WDPCP: variants seen among roughly 807,000 people sequenced by gnomAD.
WDPCP encodes WD repeat-containing and planar cell polarity effector protein fritz homolog.
A neutral mutation model predicts 93.1 loss-of-function variants in WDPCP; 71 were observed. That is an observed-to-expected ratio of 0.76 (90% CI 0.63 to 0.93). WDPCP has a LOEUF of 0.93. Among genes scored for constraint, WDPCP ranks in the 40% least tolerant of loss-of-function variants. WDPCP has a pLI of 0.00. For synonymous variants in WDPCP, 315 were observed against 315.0 expected (o/e 1.00, Z 0.00); for missense variants, 844 against 887.4 (o/e 0.95, Z 0.62).
At chr2:63,565,795 T>C (rs1479463264) in intron 1 of WDPCP, among the ~76,000 whole-genome samples, 3 of 152,156 alleles carry the variant, frequency 2.0e-5, no homozygotes, top group Non-Finnish European at 4.4e-5. Context: ...ACAAACACAA[T>C]TTAAAACTTT....
intron 14 of WDPCP, among the ~76,000 whole-genome samples, chr2:63,210,596 C>A (rs1676701061): frequency 6.6e-6 from 1 of 152,100 alleles, no homozygotes; most frequent in Non-Finnish European, 1.5e-5. Flanking sequence ...TGGGGCTTGT[C>A]AGACAGTGGG....
At position 63,201,431 on chromosome 2, in the gene WDPCP, A is replaced by T. The variant is rs1038055352; in HGVS notation, c.1916-26599T>A. ...CCACTTGGTCATGATATAGTATTTT[A>T]AAAACGTGCTTTGGATTCCACATGC... On this transcript the variant is annotated intron_variant, in intron 14 of 17. Coordinates refer to ENST00000272321, the MANE Select transcript of WDPCP (RefSeq NM_015910.7). Among the ~76,000 whole-genome samples, 6 of 152,224 alleles carry T rather than the reference A, an allele frequency of 3.9e-5. No homozygotes were observed. In the South Asian group the frequency reaches 1.0e-3, roughly 26 times the overall value.
intron 1 of WDPCP, among the ~76,000 whole-genome samples, chr2:63,523,936 G>T (rs370405699): frequency 1.3e-5 from 2 of 151,914 alleles, no homozygotes; most frequent in East Asian, 3.9e-4. Flanking sequence ...AAAAAGCAAT[G>T]TATAAAAATC....
intron 3 of WDPCP, among the ~76,000 whole-genome samples, chr2:63,624,067 C>T (rs1314950827): frequency 6.6e-6 from 1 of 152,168 alleles, no homozygotes; most frequent in Non-Finnish European, 1.5e-5. Flanking sequence ...CACTAAACAA[C>T]CTGCTCCTGA....
chr2:63,156,541 G>A (rs577060357), intron 15 of WDPCP, among the ~76,000 whole-genome samples: 7 of 151,748 alleles, frequency 4.6e-5, no homozygotes, highest in East Asian at 2.0e-4. Context: ...TTCGAGACCC[G>A]TCTGGCCAAC....
chr2:63,309,452 T>G (rs1055571142), intron 13 of WDPCP, among the ~76,000 whole-genome samples: 1 of 152,080 alleles, frequency 6.6e-6, no homozygotes, highest in Non-Finnish European at 1.5e-5. Context: ...ACCAAAGGGT[T>G]CAAGTCCAGT....
At chr2:63,799,050 G>A (rs1670658365) in intron 2 of WDPCP, among the ~76,000 whole-genome samples, 1 of 152,126 alleles carries the variant, frequency 6.6e-6, no homozygotes, top group Non-Finnish European at 1.5e-5. Context: ...GCAAATGTGT[G>A]TTTCTTACCT....
chr2:63,622,928 C>A (rs928634635), intron 3 of WDPCP: 4 of 1,025,200 alleles, frequency 3.9e-6, no homozygotes, highest in Non-Finnish European at 5.8e-6. Flanking sequence ...TCGGCGCACA[C>A]CTGCTGCCAG....
At chr2:63,315,916 C>T (rs941505168) in intron 12 of WDPCP, among the ~76,000 whole-genome samples, 6 of 149,974 alleles carry the variant, frequency 4.0e-5, no homozygotes, top group South Asian at 2.1e-4. Context: ...GCATGTGCCA[C>T]GTTCTGGGGT....
intron 4 of WDPCP, among the ~76,000 whole-genome samples, chr2:63,485,310 A>C (rs1033196254): frequency 6.6e-6 from 1 of 151,778 alleles, no homozygotes; most frequent in Non-Finnish European, 1.5e-5. Flanking sequence ...GTAAATAATT[A>C]AATGTTCAAT....
At chr2:63,389,900 T>C (rs1309402161) in intron 10 of WDPCP, among the ~76,000 whole-genome samples, 1 of 152,056 alleles carries the variant, frequency 6.6e-6, no homozygotes, top group Non-Finnish European at 1.5e-5. Flanking sequence ...ATAAAGCAAG[T>C]CCTTAGAGAC....
chr2:63,599,082 C>A (rs572289735), intron 3 of WDPCP: 149 of 1,368,380 alleles, frequency 1.1e-4, no homozygotes, highest in Non-Finnish European at 1.1e-4. Context: ...ACAAAGGCTA[C>A]CTGTTAGACA....
At chr2:63,710,635 C>T (rs1190940759) in intron 2 of WDPCP, among the ~76,000 whole-genome samples, 2 of 152,086 alleles carry the variant, frequency 1.3e-5, no homozygotes, top group East Asian at 3.8e-4. Context: ...TAAAAAGTGA[C>T]CATGGATAAG....
At chr2:63,298,703 C>A (rs1217671942) in intron 13 of WDPCP, among the ~76,000 whole-genome samples, 4 of 152,048 alleles carry the variant, frequency 2.6e-5, no homozygotes, top group Admixed American at 2.6e-4. Context: ...TTGGGCTGAG[C>A]CATTACTGGG....
rs569624610 is a variant in WDPCP, at chr2:63,257,437, G to A, written c.1915+1870C>T. ...AAGAAATTCTTTGTTAATTCCATTC[G>A]GAATTATGAGTGAGAATCACCCAGT... On this transcript the variant is annotated intron_variant, in intron 14 of 17. Transcript: ENST00000272321. 9.9e-5 allele frequency among the ~76,000 whole-genome samples: 15 copies of A among 152,252 alleles called. No individual in the cohort carries two copies. In the East Asian group the frequency reaches 1.2e-3, roughly 12 times the overall value.
chr2:63,723,327 C>T (rs1185876144), intron 2 of WDPCP, among the ~76,000 whole-genome samples: 1 of 151,388 alleles, frequency 6.6e-6, no homozygotes, highest in African/African-American at 2.4e-5. Context: ...TTTTCTCACC[C>T]TCATATTTGG....
intron 14 of WDPCP, among the ~76,000 whole-genome samples, chr2:63,193,314 ATC>A (rs1675182363): frequency 6.6e-6 from 1 of 152,302 alleles, no homozygotes; most frequent in African/African-American, 2.4e-5. Context: ...ATATGAATGA[ATC>A]TCTATTGAAC....
chr2:63,175,957 T>C (rs568663280), intron 14 of WDPCP, among the ~76,000 whole-genome samples: 2 of 152,264 alleles, frequency 1.3e-5, no homozygotes, highest in African/African-American at 2.4e-5. Flanking sequence ...AGAAGGGGGA[T>C]TGCCTATCAT....
At chr2:63,751,012 CCTT>C (rs1326460118) in intron 2 of WDPCP, among the ~76,000 whole-genome samples, 3 of 151,956 alleles carry the variant, frequency 2.0e-5, no homozygotes, top group Non-Finnish European at 1.5e-5. Flanking sequence ...AGTGTTCCCT[CCTT>C]CTGTTTTTTA....
Sources: allele counts gnomAD v4.1 joint callset (sites outside exome capture counted in the v4.1 genomes callset), GRCh38; gene constraint gnomAD v4.1.1; transcripts MANE v1.5; gene names NCBI Gene and HGNC (gene_info 2026-07-23, HGNC 2026-07-21).